The following TNRC6A variants were observed in gnomAD, a reference collection of about 807,000 sequenced individuals.
TNRC6A encodes the protein trinucleotide repeat containing adaptor 6A.
TNRC6A carries 44 observed loss-of-function variants against 221.2 expected under a neutral mutation model. That is an observed-to-expected ratio of 0.20 (90% confidence interval 0.16 to 0.26). TNRC6A has a LOEUF of 0.26. Among genes scored for constraint, TNRC6A ranks in the 10% least tolerant of loss-of-function variants. The pLI is 1.00. For synonymous variants in TNRC6A, 847 were observed against 838.5 expected, an observed-to-expected ratio of 1.01 and a Z score of -0.18; for missense variants, 2,199 against 2,404.4, an observed-to-expected ratio of 0.91 and a Z score of 1.79.
At chr16:24,698,148 C>A (rs549694600) in intron 2 of TNRC6A, among the ~76,000 whole-genome samples, 2 of 151,790 alleles carry the variant, frequency 1.3e-5, no homozygotes, top group East Asian at 3.9e-4. Flanking sequence ...GGCAACATAG[C>A]GAGACCCCGA....
At chr16:24,813,322 T>G (rs1458889202) in intron 18 of TNRC6A, among the ~76,000 whole-genome samples, 9 of 152,106 alleles carry the variant, frequency 5.9e-5, no homozygotes, top group Non-Finnish European at 1.0e-4. Context: ...CGATAAGTAG[T>G]TTTTCAACCC....
chr16:24,797,398 T>C lies in TNRC6A; in HGVS notation c.3562-92T>C, dbSNP rs965178546. The C allele has an allele frequency of 3.5e-6, 3 of 859,396 alleles. No homozygotes were observed. In the African/African-American group the frequency reaches 5.2e-5, roughly 15 times the overall value. 53.2% of individuals were successfully genotyped at this position (859,396 alleles called of 1,614,324 possible). A position where few individuals can be genotyped will look rare whatever the true frequency, so the allele number is the denominator to read the frequency against. On this transcript the variant is annotated intron_variant, in intron 9 of 24. Coordinates refer to ENST00000395799, the MANE Select transcript of TNRC6A (RefSeq NM_014494.4). ...AGAAATTATTGGCTAAAAATGAGAA[T>C]TGGGGATTGTCTTAAGTTTTATTAA...
intron 4 of TNRC6A, among the ~76,000 whole-genome samples, chr16:24,772,544 G>A (rs2057633719): frequency 1.3e-5 from 2 of 151,808 alleles, no homozygotes; most frequent in Admixed American, 6.6e-5. Flanking sequence ...CAGCACTTTG[G>A]GAGGCCAAGG....
chr16:24,754,013 T>G (rs2151439146), intron 3 of TNRC6A, among the ~76,000 whole-genome samples: 1 of 152,326 alleles, frequency 6.6e-6, no homozygotes, highest in East Asian at 1.9e-4. Flanking sequence ...TCTTATACTT[T>G]GCTTTATTTT....
At chr16:24,611,588 T>C (rs2141520157) in intron 1 of TNRC6A, among the ~76,000 whole-genome samples, 1 of 152,210 alleles carries the variant, frequency 6.6e-6, no homozygotes, top group African/African-American at 2.4e-5. Context: ...CGCTCGGGCA[T>C]CGAGAGGCAT....
At chr16:24,737,734 C>T (rs2056801814) in intron 2 of TNRC6A, among the ~76,000 whole-genome samples, 2 of 152,192 alleles carry the variant, frequency 1.3e-5, no homozygotes, top group South Asian at 4.1e-4. Context: ...AGTCAGGGAG[C>T]ACTTATTGAG....
In TNRC6A at chr16:24,746,326, C is replaced by T. The variant is rs1271404173; in HGVS notation, c.54-4400C>T. ...CTGTAATCCCAGTACTTTGGTAGGC[C>T]GAGGTAGGAGGATTGCTTGAGCCCA... On this transcript the variant is annotated intron_variant, in intron 2 of 24. Transcript: ENST00000395799. Among the ~76,000 whole-genome samples the T allele has an allele frequency of 3.3e-5, 5 of 152,024 alleles. No individual in the cohort carries two copies. In the South Asian group the frequency reaches 8.3e-4, roughly 25 times the overall value.
intron 3 of TNRC6A, among the ~76,000 whole-genome samples, chr16:24,752,020 GT>G (rs572038126): frequency 1.3e-3 from 198 of 152,274 alleles, no homozygotes; most frequent in African/African-American, 4.4e-3. Context: ...GGAACCAAGG[GT>G]AGAACTCTGA....
At chr16:24,650,664 CAAA>C (rs1335000917) in intron 2 of TNRC6A, among the ~76,000 whole-genome samples, 1 of 119,376 alleles carries the variant, frequency 8.4e-6, no homozygotes. Context: ...GACTCTGACT[CAAA>C]AAAAAAAAAA....
At chr16:24,743,158 A>G (rs964255960) in intron 2 of TNRC6A, among the ~76,000 whole-genome samples, 6 of 152,124 alleles carry the variant, frequency 3.9e-5, no homozygotes, top group Admixed American at 2.6e-4. Context: ...TTAACTGTCA[A>G]AGGGGAATAA....
At chr16:24,621,077 C>T (rs1900646358) in intron 1 of TNRC6A, among the ~76,000 whole-genome samples, 2 of 123,758 alleles carry the variant, frequency 1.6e-5, no homozygotes, top group Non-Finnish European at 1.7e-5. Context: ...GAGCAAGACG[C>T]CGTCTCAAAA....
chr16:24,719,073 G>A (rs1018618188), intron 2 of TNRC6A, among the ~76,000 whole-genome samples: 7 of 151,608 alleles, frequency 4.6e-5, no homozygotes, highest in Non-Finnish European at 1.0e-4. Context: ...GAAAAAAAGA[G>A]ATAAGCAGAC....
intron 1 of TNRC6A, among the ~76,000 whole-genome samples, chr16:24,625,352 G>A (rs1445230702): frequency 6.6e-6 from 1 of 152,282 alleles, no homozygotes; most frequent in East Asian, 1.9e-4. Context: ...GGCAGCTCAC[G>A]CCTGTAATCC....
intron 2 of TNRC6A, among the ~76,000 whole-genome samples, chr16:24,680,317 AGGCTGAG>A (rs1347006596): frequency 4.6e-5 from 7 of 151,332 alleles, no homozygotes; most frequent in Non-Finnish European, 8.8e-5. Context: ...GCTACTCTGG[AGGCTGAG>A]GAGGGAGGAT....
intron 20 of TNRC6A, among the ~76,000 whole-genome samples, chr16:24,817,977 A>G (rs898222699): frequency 6.6e-6 from 1 of 152,204 alleles, no homozygotes; most frequent in African/African-American, 2.4e-5. Context: ...AATCTTTAAG[A>G]TGGGGTAATC....
At chr16:24,740,484 ATGT>A (rs1473196707) in intron 2 of TNRC6A, among the ~76,000 whole-genome samples, 15 of 152,110 alleles carry the variant, frequency 9.9e-5, no homozygotes, top group Admixed American at 5.9e-4. Context: ...GTTTTCAAAG[ATGT>A]TGTGTAGTTT....
chr16:24,613,699 C>CT (rs34495683), intron 1 of TNRC6A, among the ~76,000 whole-genome samples: 13,152 of 148,496 alleles, frequency 0.089, 841 homozygotes, highest in Non-Finnish European at 0.13. Flanking sequence ...AGCTAATTTT[C>CT]TTTTTTTTGT....
At chr16:24,667,546 A>T (rs555094911) in intron 2 of TNRC6A, among the ~76,000 whole-genome samples, 1 of 152,310 alleles carries the variant, frequency 6.6e-6, no homozygotes, top group Admixed American at 6.5e-5. Flanking sequence ...AATGTGACAG[A>T]CAGGGAGGGG....
intron 2 of TNRC6A, chr16:24,671,075 G>T (rs75849092): frequency 0.11 from 33,377 of 297,034 alleles, 2,373 homozygotes; most frequent in Middle Eastern, 0.18. Context: ...AGCAGCTGCC[G>T]CACCGACAGC....
Sources: allele counts gnomAD v4.1 joint callset (sites outside exome capture counted in the v4.1 genomes callset), GRCh38; gene constraint gnomAD v4.1.1; transcripts MANE v1.5; gene names NCBI Gene and HGNC (gene_info 2026-07-23, HGNC 2026-07-21).